Variants in LGSN observed in about 807,000 individuals in gnomAD.
LGSN encodes the protein lengsin.
Under a neutral mutation model 19.5 loss-of-function variants are expected in LGSN, and 21 were observed. That is an observed-to-expected ratio of 1.07 (90% confidence interval 0.76 to 1.55). The LOEUF (loss-of-function observed/expected upper bound fraction) is 1.55. Among genes scored for constraint, LGSN ranks in the 40% most tolerant of loss-of-function variants. The probability of loss-of-function intolerance (pLI) is 0.00; values close to 1 mark genes in which losing one functional copy is unlikely to be tolerated. For synonymous variants in LGSN, 257 were observed against 215.6 expected (o/e 1.19, Z -1.68); for missense variants, 673 against 608.5 (o/e 1.11, Z -1.12).
At chr6:63,442,772 G>A in the LGSN span, among the ~76,000 whole-genome samples, 1 of 152,158 alleles carries the variant, frequency 6.6e-6, no homozygotes, top group Admixed American at 6.5e-5. Flanking sequence ...TAGATACAGA[G>A]TGCTGATTGG....
At chr6:63,478,910 C>T in the LGSN span, among the ~76,000 whole-genome samples, 1 of 152,198 alleles carries the variant, frequency 6.6e-6, no homozygotes, top group East Asian at 1.9e-4. Flanking sequence ...CCAAGGTTTA[C>T]AACCTTCATG....
At chr6:63,491,978 A>C in the LGSN span, among the ~76,000 whole-genome samples, 1 of 151,994 alleles carries the variant, frequency 6.6e-6, no homozygotes, top group African/African-American at 2.4e-5. Flanking sequence ...GCAGTGAGCC[A>C]AGATGACGCC....
the LGSN span, among the ~76,000 whole-genome samples, chr6:63,458,226 C>T: frequency 1.3e-5 from 2 of 152,052 alleles, no homozygotes; most frequent in African/African-American, 4.8e-5. Flanking sequence ...TGCCCCCACG[C>T]CCGGCTAATT....
the LGSN span, among the ~76,000 whole-genome samples, chr6:63,529,617 T>C: frequency 6.6e-6 from 1 of 152,336 alleles, no homozygotes; most frequent in Admixed American, 6.5e-5. Context: ...TTGTTTGCTG[T>C]ACTCTCTCAA....
the LGSN span, among the ~76,000 whole-genome samples, chr6:63,510,452 C>CT: frequency 3.2e-3 from 400 of 124,260 alleles, 2 homozygotes; most frequent in East Asian, 0.01. Flanking sequence ...GACTACCTTT[C>CT]TTTTTTTTTT....
the LGSN span, among the ~76,000 whole-genome samples, chr6:63,556,815 C>T: frequency 2.0e-5 from 3 of 152,036 alleles, no homozygotes; most frequent in Admixed American, 6.6e-5. Flanking sequence ...CAAGAAATGC[C>T]CAAATATAAC....
rs964479523 is a variant in LGSN, at chr6:63,280,994, T to A, written c.557A>T (p.Tyr186Phe). Reference sequence around the variant, plus strand: ...ATGGCTCAGCTGCCTCTTTGCAATGTACCTTGGGGAAGTCAAAAGAGGCTC... The same window carrying A: ...ATGGCTCAGCTGCCTCTTTGCAATGAACCTTGGGGAAGTCAAAAGAGGCTC... ...TGEPLLTSPR[Y>F]IAKRQLSHLQ... is the part of the protein sequence containing the mutation. The change falls in exon 4 of 4, where the codon TAC becomes TTC. Residue 186 changes from tyrosine to phenylalanine, a missense_variant. Physicochemically the swap from Tyr to Phe is conservative, Grantham distance 22 (BLOSUM62 3). Coordinates refer to ENST00000370657, the MANE Select transcript of LGSN (RefSeq NM_016571.3). The A allele has an allele frequency of 6.2e-6, 10 of 1,614,128 alleles. No homozygotes were observed. The highest frequency in any genetic ancestry group is 7.6e-6 in the Non-Finnish European group (9 of 1,180,010).
At chr6:63,285,837 C>A in intron 2 of LGSN, 84 bp from the exon 3 acceptor site, 4 of 1,015,714 alleles carry the variant, frequency 3.9e-6, no homozygotes, top group South Asian at 3.0e-5. Context: ...GTGAATTAGT[C>A]AATATTATTA....
chr6:63,363,487 G>C, the LGSN span, among the ~76,000 whole-genome samples: 1 of 152,112 alleles, frequency 6.6e-6, no homozygotes, highest in Non-Finnish European at 1.5e-5. Context: ...AGAATAAACG[G>C]TGTAGAGAAG....
the LGSN span, among the ~76,000 whole-genome samples, chr6:63,404,425 C>T: frequency 0.12 from 17,514 of 152,088 alleles, 2,007 homozygotes; most frequent in African/African-American, 0.3. Flanking sequence ...TTTCTATTTA[C>T]TATAGAAATC....
At chr6:63,488,290 T>A in the LGSN span, among the ~76,000 whole-genome samples, 1 of 152,198 alleles carries the variant, frequency 6.6e-6, no homozygotes, top group Non-Finnish European at 1.5e-5. Context: ...TTAATTCTCA[T>A]AACTGCTTTA....
chr6:63,384,934 G>T, the LGSN span, among the ~76,000 whole-genome samples: 736 of 152,316 alleles, frequency 4.8e-3, 4 homozygotes, highest in Non-Finnish European at 6.5e-3. Flanking sequence ...AGACACCAGG[G>T]ATAAGCAAAC....
the LGSN span, among the ~76,000 whole-genome samples, chr6:63,394,849 G>A: frequency 6.6e-6 from 1 of 152,330 alleles, no homozygotes; most frequent in African/African-American, 2.4e-5. Flanking sequence ...GACAGCTCAG[G>A]AAGACTTGCA....
the LGSN span, among the ~76,000 whole-genome samples, chr6:63,494,473 G>A: frequency 6.6e-6 from 1 of 152,098 alleles, no homozygotes; most frequent in Non-Finnish European, 1.5e-5. Flanking sequence ...AGAAGAATAT[G>A]TGTCTCTATA....
At chr6:63,540,163 G>T in the LGSN span, among the ~76,000 whole-genome samples, 1 of 152,146 alleles carries the variant, frequency 6.6e-6, no homozygotes, top group South Asian at 2.1e-4. Flanking sequence ...ATGGAATCTG[G>T]TGTGCATGGT....
the LGSN span, chr6:63,441,343 C>A: frequency 2.1e-6 from 1 of 476,894 alleles, no homozygotes; most frequent in South Asian, 1.9e-5. Flanking sequence ...CAGCACCTGG[C>A]TCTCCTCAAC....
chr6:63,525,104 T>G, the LGSN span, among the ~76,000 whole-genome samples: 1 of 152,186 alleles, frequency 6.6e-6, no homozygotes. Flanking sequence ...ATCAAATTAT[T>G]CAAGGCTGTT....
rs766996333 is a variant in LGSN, at chr6:63,280,111, A to G, written c.1440T>C (p.Phe480=). 6.2e-7 allele frequency: 1 copy of G among 1,614,184 alleles called. No individual in the cohort carries two copies. Among genetic ancestry groups the G allele is most frequent in the Non-Finnish European group, 8.5e-7 (1 of 1,180,016 alleles). ...TCTTCATGGCAACAAAATATCGAAT[A>G]AAGGTTTCTCCTAGAGCCTGTCTCA... ...QCLRQALGET[F]IRYFVAMKKY... The change falls in exon 4 of 4, where the codon TTT becomes TTC. Residue 480 remains phenylalanine (F), a synonymous_variant. Coordinates refer to ENST00000370657, the MANE Select transcript of LGSN (RefSeq NM_016571.3).
the LGSN span, among the ~76,000 whole-genome samples, chr6:63,382,523 A>G: frequency 7.9e-3 from 1,209 of 152,294 alleles, 9 homozygotes; most frequent in African/African-American, 0.027. Flanking sequence ...GTGAGATGAC[A>G]CAGAAGCATG....
Sources: gnomAD v4.1 joint callset for allele counts (sites outside exome capture counted in the v4.1 genomes callset) on GRCh38, gnomAD v4.1.1 for gene constraint, MANE v1.5 for transcripts, NCBI Gene and HGNC (gene_info 2026-07-23, HGNC 2026-07-21) for gene names.